The following AGTPBP1 variants were observed in gnomAD, a reference collection of about 807,000 sequenced individuals.
AGTPBP1 encodes the protein ATP/GTP binding carboxypeptidase 1.
AGTPBP1 carries 70 observed loss-of-function variants against 143.9 expected under a neutral mutation model. The observed-to-expected ratio is 0.49, with a 90% CI of 0.40 to 0.59. The LOEUF is 0.59. Ranked by LOEUF, AGTPBP1 falls within the 20% of genes least tolerant of loss-of-function variation. AGTPBP1 has a pLI of 0.00. For missense variants in AGTPBP1, 1,229 were observed against 1,464.5 expected, an observed-to-expected ratio of 0.84 and a Z score of 2.62; for synonymous variants, 463 against 500.2, an observed-to-expected ratio of 0.93 and a Z score of 0.99.
At chr9:85,579,267 A>G (rs7857819) in intron 23 of AGTPBP1, among the ~76,000 whole-genome samples, 171 bp from the exon 24 acceptor site, 144,574 of 152,336 alleles carry the variant, frequency 0.95, 68,674 homozygotes, top group African/African-American at 0.99. Context: ...AACTAATTTT[A>G]AATTTTCTGC....
the AGTPBP1 span, among the ~76,000 whole-genome samples, chr9:85,796,405 T>C: frequency 2.5e-4 from 38 of 152,298 alleles, no homozygotes; most frequent in East Asian, 5.8e-4. Flanking sequence ...TTTTATGTTG[T>C]TAAAGTGAGA....
chr9:85,589,771 G>A (rs982278515), intron 19 of AGTPBP1, 90 bp from the exon 20 acceptor site: 162 of 1,251,864 alleles, frequency 1.3e-4, no homozygotes, highest in Middle Eastern at 2.0e-4. Context: ...CACATAACTA[G>A]AAGTGAATCA....
chr9:85,617,809 G>C (rs1232338076), intron 17 of AGTPBP1, among the ~76,000 whole-genome samples: 2 of 152,142 alleles, frequency 1.3e-5, no homozygotes, highest in African/African-American at 4.8e-5. Context: ...CAAAAGGATA[G>C]TAAGAGAATA....
intron 13 of AGTPBP1, among the ~76,000 whole-genome samples, chr9:85,634,426 G>A (rs1831899778): frequency 1.3e-5 from 2 of 152,100 alleles, no homozygotes; most frequent in South Asian, 4.1e-4. Context: ...GGTGTTCAAA[G>A]AACAGCAAGG....
the AGTPBP1 span, chr9:85,785,989 C>A: frequency 9.1e-6 from 7 of 768,710 alleles, no homozygotes; most frequent in South Asian, 6.0e-5. Flanking sequence ...AAAAGTTGAA[C>A]AACATTATGC....
intron 25 of AGTPBP1, among the ~76,000 whole-genome samples, chr9:85,559,855 G>T (rs924536491): frequency 1.4e-4 from 21 of 152,284 alleles, no homozygotes; most frequent in African/African-American, 5.1e-4. Flanking sequence ...TTTGATTAAA[G>T]AAATCCATAA....
At chr9:85,794,455 T>G in the AGTPBP1 span, among the ~76,000 whole-genome samples, 8 of 152,202 alleles carry the variant, frequency 5.3e-5, no homozygotes, top group Non-Finnish European at 1.0e-4. Flanking sequence ...ATACATTTGT[T>G]GAAAACCAAT....
rs543242946 is a variant in AGTPBP1, at chr9:85,690,308, C to G, written c.157+2381G>C. Among the ~76,000 whole-genome samples, 2 of 152,188 alleles carry G rather than the reference C, an allele frequency of 1.3e-5. 1 individual carries two copies. The highest frequency in any genetic ancestry group is 2.9e-5 in the Non-Finnish European group (2 of 68,036). Reference sequence around the variant, plus strand: ...ATTATCCTATAAAGGATGGAACTGCCTTTCACTACCAACTTATACTGTGTT... The same window carrying G: ...ATTATCCTATAAAGGATGGAACTGCGTTTCACTACCAACTTATACTGTGTT... On this transcript the variant is annotated intron_variant, in intron 3 of 25. Coordinates refer to ENST00000357081, the MANE Select transcript of AGTPBP1 (RefSeq NM_001330701.2).
chr9:85,706,441 C>T (rs1367277299), intron 2 of AGTPBP1, among the ~76,000 whole-genome samples: 1 of 147,438 alleles, frequency 6.8e-6, no homozygotes, highest in Non-Finnish European at 1.5e-5. Context: ...ACCCGGGAAG[C>T]GGAAGTTGCA....
At chr9:85,620,712 A>C (rs772280216) in intron 15 of AGTPBP1, among the ~76,000 whole-genome samples, 1 of 152,188 alleles carries the variant, frequency 6.6e-6, no homozygotes, top group Non-Finnish European at 1.5e-5. Flanking sequence ...TGGAGCAGGC[A>C]ACCTAAATGA....
chr9:85,677,290 T>C, intron 6 of AGTPBP1, 146 bp downstream of exon 6: 1 of 699,790 alleles, frequency 1.4e-6, no homozygotes, highest in Non-Finnish European at 2.2e-6. Context: ...ATATCATGTG[T>C]ACCCCCATAA....
intron 1 of AGTPBP1, among the ~76,000 whole-genome samples, chr9:85,727,379 G>A (rs1326689996): frequency 6.6e-6 from 1 of 152,096 alleles, no homozygotes; most frequent in Non-Finnish European, 1.5e-5. Flanking sequence ...TTCACAGAGA[G>A]ATGCTGGTGT....
chr9:85,726,076 A>G (rs1838464166), intron 1 of AGTPBP1, among the ~76,000 whole-genome samples: 1 of 150,004 alleles, frequency 6.7e-6, no homozygotes, highest in East Asian at 2.0e-4. Context: ...AAAAAAAAAA[A>G]AAAAAATAGC....
Position 85,643,886 on chromosome 9 carries a change from T to C in AGTPBP1, c.1186-943A>G, listed in dbSNP as rs1047703301. On this transcript the variant is annotated intron_variant, in intron 12 of 25. Transcript: ENST00000357081. ...TATCTTTGTTATGGCTGAAGAGAGATAATAATACCATTTAATAATTTTCAG... is the reference window on the plus strand; with the variant it reads ...TATCTTTGTTATGGCTGAAGAGAGACAATAATACCATTTAATAATTTTCAG... 1.1e-4 allele frequency among the ~76,000 whole-genome samples: 16 copies of C among 152,202 alleles called. 1 individual carries two copies. The South Asian group carries it at 1.7e-3, about 16-fold the overall frequency.
intron 14 of AGTPBP1, among the ~76,000 whole-genome samples, chr9:85,621,529 TA>T (rs11326881): frequency 0.32 from 44,993 of 142,644 alleles, 10,331 homozygotes; most frequent in African/African-American, 0.64. Context: ...TCCAATCATT[TA>T]AAAAAAAAAA....
At chr9:85,577,473 G>C (rs1398200123) in intron 24 of AGTPBP1, among the ~76,000 whole-genome samples, 1 of 152,152 alleles carries the variant, frequency 6.6e-6, no homozygotes, top group Non-Finnish European at 1.5e-5. Flanking sequence ...AATGATCGGG[G>C]ACAGGGGCTG....
At chr9:85,648,768 C>T (rs1020144188) in intron 11 of AGTPBP1, among the ~76,000 whole-genome samples, 2 of 151,894 alleles carry the variant, frequency 1.3e-5, no homozygotes, top group Non-Finnish European at 2.9e-5. Context: ...GCTGAGATCG[C>T]GCCACTGCAC....
chr9:85,601,308 G>A (rs7846814), intron 17 of AGTPBP1, among the ~76,000 whole-genome samples: 7,463 of 152,142 alleles, frequency 0.049, 632 homozygotes, highest in African/African-American at 0.17. Context: ...TCACCCAGCC[G>A]TCCTCATTAT....
chr9:85,707,861 A>T (rs1837109900), intron 2 of AGTPBP1, among the ~76,000 whole-genome samples: 1 of 151,880 alleles, frequency 6.6e-6, no homozygotes. Flanking sequence ...GCAGTTGAAC[A>T]ATAAGAAATC....
Sources: allele counts gnomAD v4.1 joint callset (sites outside exome capture counted in the v4.1 genomes callset), GRCh38; gene constraint gnomAD v4.1.1; transcripts MANE v1.5; gene names NCBI Gene and HGNC (gene_info 2026-07-23, HGNC 2026-07-21).